SPINK1: variants seen among roughly 807,000 people sequenced by gnomAD.
SPINK1 encodes serine peptidase inhibitor Kazal type 1, also known as serine protease inhibitor Kazal-type 1.
A neutral mutation model predicts 9.5 loss-of-function variants in SPINK1; 5 were observed. The observed-to-expected ratio is 0.52, with a 90% CI of 0.27 to 1.10. The LOEUF is 1.10. Ranked by LOEUF, SPINK1 falls within the 50% of genes least tolerant of loss-of-function variation. The pLI is 0.11. For synonymous variants in SPINK1, 37 were observed against 32.3 expected (o/e 1.14, Z -0.49); for missense variants, 88 against 92.7 (o/e 0.95, Z 0.21).
chr5:147,831,632 C>T lies in SPINK1; in HGVS notation c.-55G>A. On this transcript the variant is annotated 5_prime_UTR_variant, in exon 1 of 4. Coordinates refer to ENST00000296695, the MANE Select transcript of SPINK1 (RefSeq NM_001379610.1). ...GAAAACTGCACCGCACTTACCACGT[C>T]TCTTCAGAAGCCTGGGACTGGAAGG... 6.2e-7 allele frequency: 1 copy of T among 1,607,990 alleles called. No individual in the cohort carries two copies. The highest frequency in any genetic ancestry group is 8.5e-7 in the Non-Finnish European group (1 of 1,177,714).
At chr5:147,831,223 CTTAAAG>C (rs1211759941) in intron 1 of SPINK1, among the ~76,000 whole-genome samples, 1 of 152,164 alleles carries the variant, frequency 6.6e-6, no homozygotes, top group African/African-American at 2.4e-5. Context: ...GAGAAGTATA[CTTAAAG>C]TTAAAATATT....
intron 1 of SPINK1, among the ~76,000 whole-genome samples, chr5:147,830,983 C>T (rs926953099): frequency 6.6e-6 from 1 of 151,922 alleles, no homozygotes; most frequent in African/African-American, 2.4e-5. Context: ...TAAGAAATAC[C>T]AGGAATTGAA....
chr5:147,835,481 C>A (rs1756580984), upstream of SPINK1, among the ~76,000 whole-genome samples: 1 of 152,046 alleles, frequency 6.6e-6, no homozygotes, highest in Non-Finnish European at 1.5e-5. Flanking sequence ...GACTATTAGT[C>A]ATATTGAATG....
At chr5:147,835,859 C>A (rs1320228006), upstream of SPINK1, among the ~76,000 whole-genome samples, 1 of 152,084 alleles carries the variant, frequency 6.6e-6, no homozygotes, top group African/African-American at 2.4e-5. Flanking sequence ...CTTAATTCTT[C>A]AACTTTTATT....
chr5:147,825,012 C>T (rs550081847), intron 3 of SPINK1, among the ~76,000 whole-genome samples: 30 of 152,280 alleles, frequency 2.0e-4, no homozygotes, highest in African/African-American at 7.0e-4. Context: ...ACTATTGTTG[C>T]ATCTTTTGCT....
At chr5:147,831,830 A>G (rs4705203), upstream of SPINK1, 194,786 of 1,362,280 alleles carry the variant, frequency 0.14, 14,337 homozygotes, top group Middle Eastern at 0.2. Flanking sequence ...AGATTCTGTC[A>G]GGAAAATAGT....
At chr5:147,835,910 C>T (rs534571404), upstream of SPINK1, among the ~76,000 whole-genome samples, 5 of 151,890 alleles carry the variant, frequency 3.3e-5, no homozygotes, top group South Asian at 1.0e-3. Context: ...CATAAATGAC[C>T]TCTTGTTTTT....
At chr5:147,825,859 T>A (rs913684090) in intron 3 of SPINK1, among the ~76,000 whole-genome samples, 1 of 152,182 alleles carries the variant, frequency 6.6e-6, no homozygotes, top group African/African-American at 2.4e-5. Context: ...TAAACAAGAG[T>A]TGCTATGCTG....
rs1411503462 is a variant in SPINK1 at position 147,829,630 on chromosome 5, C to A, written c.56G>T (p.Gly19Val). 1 of 1,612,088 alleles carries A rather than the reference C, an allele frequency of 6.2e-7. No homozygotes were observed. ...LSALALLSLSGNTGADSLGRE... is the reference protein window; with the variant it reads ...LSALALLSLSVNTGADSLGRE... ...TCCCAGGGAGTCAGCTCCAGTGTTA[C>A]CTAGAAATAAATCAGATATGGTAAG... The change falls in exon 2 of 4, where the codon GGT becomes GTT. Residue 19 changes from glycine to valine, a missense_variant and splice_region_variant. By Grantham distance (109) the Gly-to-Val change is moderately radical (BLOSUM62 -3). Transcript: ENST00000296695.
Position 147,828,428 on chromosome 5 carries a change from G to T in SPINK1, c.88-300C>A, listed in dbSNP as rs563286937. Among the ~76,000 whole-genome samples the T allele has an allele frequency of 3.9e-5, 6 of 152,272 alleles. No homozygotes were observed. The South Asian group carries it at 1.2e-3, about 32-fold the overall frequency. ...CACCTATCTCATAGTGTTGTTGTGA[G>T]ATTTACATGGATGGGTGAGATAATG... On this transcript the variant is annotated intron_variant, in intron 2 of 3. Transcript: ENST00000296695.
rs546473744 is a variant in SPINK1, at chr5:147,831,425, G to A, written c.55+98C>T. 21 of 1,488,228 alleles carry A rather than the reference G, an allele frequency of 1.4e-5. 2 individuals are homozygous for A. Among genetic ancestry groups the A allele is most frequent in the East Asian group, 9.4e-5 (4 of 42,696 alleles). 92.2% of individuals were successfully genotyped at this position (1,488,228 alleles called of 1,614,324 possible). On this transcript the variant is annotated intron_variant, in intron 1 of 3. Transcript: ENST00000296695. ...TCTCATTAGGTCCAAAACATCTCTC[G>A]AAGACTAGACTACATCAAAAGTCTA... is the stretch of plus-strand genomic sequence containing the variant.
chr5:147,833,547 C>T (rs761180195), upstream of SPINK1, among the ~76,000 whole-genome samples: 5 of 152,084 alleles, frequency 3.3e-5, no homozygotes, highest in Admixed American at 2.0e-4. Context: ...CATCATCTTC[C>T]ACACTTAATT....
chr5:147,828,077 A>T lies in SPINK1; in HGVS notation c.139T>A (p.Cys47Ser). 6.2e-7 allele frequency: 1 copy of T among 1,613,700 alleles called. No individual in the cohort carries two copies. Among genetic ancestry groups the T allele is most frequent in the Non-Finnish European group, 8.5e-7 (1 of 1,179,898 alleles). The change falls in exon 3 of 4, where the codon TGT becomes AGT. Residue 47 changes from cysteine to serine, a missense_variant. Transcript: ENST00000296695. Reference sequence around the variant, plus strand: ...GGATAAGTATTTCCATCAGTCCCACAGACAGGGTCATATATCTTGGTGCAT... The same window carrying T: ...GGATAAGTATTTCCATCAGTCCCACTGACAGGGTCATATATCTTGGTGCAT... ...NGCTKIYDPV[C>S]GTDGNTYPNE...
chr5:147,828,935 G>C (rs184111323), intron 2 of SPINK1, among the ~76,000 whole-genome samples: 4 of 150,706 alleles, frequency 2.7e-5, no homozygotes, highest in Admixed American at 6.6e-5. Flanking sequence ...CAGTTACTTC[G>C]GAGCACCCTC....
At chr5:147,829,366 C>G (rs1241019304) in intron 2 of SPINK1, among the ~76,000 whole-genome samples, 1 of 152,170 alleles carries the variant, frequency 6.6e-6, no homozygotes, top group African/African-American at 2.4e-5. Flanking sequence ...AACCCCTTCA[C>G]AGCAAGCACT....
At chr5:147,837,698 T>TTTCTTTCTTTCTTTCC in the SPINK1 span, among the ~76,000 whole-genome samples, 14 of 149,848 alleles carry the variant, frequency 9.3e-5, no homozygotes, top group African/African-American at 3.2e-4. Flanking sequence ...TCTTTCTTTC[T>TTTCTTTCTTTCTTTCC]TTCTTTCTTT....
At chr5:147,829,696 G>T (rs1255054174) in intron 1 of SPINK1, 66 bp from the exon 2 acceptor site, 139 of 1,444,736 alleles carry the variant, frequency 9.6e-5, no homozygotes, top group Non-Finnish European at 1.3e-4. Flanking sequence ...TTCTTCATCA[G>T]AATTCTCTGC....
At chr5:147,833,216 G>A (rs937409756), upstream of SPINK1, among the ~76,000 whole-genome samples, 3 of 152,168 alleles carry the variant, frequency 2.0e-5, no homozygotes, top group Admixed American at 1.3e-4. Flanking sequence ...AAACATCCAG[G>A]AGGACACTCT....
chr5:147,837,788 G>A, the SPINK1 span, among the ~76,000 whole-genome samples: 1 of 151,002 alleles, frequency 6.6e-6, no homozygotes, highest in African/African-American at 2.4e-5. Flanking sequence ...TGCAACCTCT[G>A]TCTTCCGGGT....
Sources: allele counts gnomAD v4.1 joint callset (sites outside exome capture counted in the v4.1 genomes callset), GRCh38; gene constraint gnomAD v4.1.1; transcripts MANE v1.5; gene names NCBI Gene and HGNC (gene_info 2026-07-23, HGNC 2026-07-21).